The following KANK1 variants were observed in gnomAD, a reference collection of about 807,000 sequenced individuals.
KANK1 encodes the protein KN motif and ankyrin repeat domains 1.
In KANK1, 109 loss-of-function variants were observed where a neutral mutation model predicts 106.2. That is an observed-to-expected ratio of 1.03 (90% CI 0.88 to 1.20). The LOEUF is 1.20. Among genes scored for constraint, KANK1 ranks in the 50% most tolerant of loss-of-function variants. The probability of loss-of-function intolerance (pLI) is 0.00; values close to 1 mark genes in which losing one functional copy is unlikely to be tolerated. For synonymous variants in KANK1, 873 were observed against 652.2 expected (o/e 1.34, Z -5.16); for missense variants, 2,399 against 1,710.7 (o/e 1.40, Z -7.10).
intron 2 of KANK1, among the ~76,000 whole-genome samples, chr9:700,506 A>G (rs1004353277): frequency 6.6e-6 from 1 of 152,182 alleles, no homozygotes; most frequent in Non-Finnish European, 1.5e-5. Context: ...AATTAGCTTC[A>G]TGAGAACTTG....
At chr9:630,090 A>G (rs1402177920) in intron 1 of KANK1, among the ~76,000 whole-genome samples, 1 of 151,920 alleles carries the variant, frequency 6.6e-6, no homozygotes, top group Non-Finnish European at 1.5e-5. Context: ...TCCACTAGAA[A>G]ATACAAAAAT....
intron 1 of KANK1, among the ~76,000 whole-genome samples, chr9:570,593 G>A (rs1156706382): frequency 6.6e-6 from 1 of 152,188 alleles, no homozygotes; most frequent in Non-Finnish European, 1.5e-5. Context: ...GTGAGTGCAT[G>A]CTGCTTCATT....
intron 1 of KANK1, among the ~76,000 whole-genome samples, chr9:581,271 G>A (rs985576895): frequency 1.3e-5 from 2 of 152,204 alleles, no homozygotes; most frequent in East Asian, 1.9e-4. Flanking sequence ...CAGAGGGGGC[G>A]CCGAGAGCAG....
At chr9:677,855 G>T (rs1306655494) in intron 2 of KANK1, among the ~76,000 whole-genome samples, 1 of 152,148 alleles carries the variant, frequency 6.6e-6, no homozygotes, top group Non-Finnish European at 1.5e-5. Context: ...CTGAATTTGA[G>T]TCCTAGTTCC....
chr9:594,389 T>C (rs1318642482), intron 1 of KANK1, among the ~76,000 whole-genome samples: 1 of 151,854 alleles, frequency 6.6e-6, no homozygotes, highest in Non-Finnish European at 1.5e-5. Context: ...TTCAAAACTT[T>C]CTTCATTTTC....
chr9:603,122 A>G (rs1828195451), intron 1 of KANK1, among the ~76,000 whole-genome samples: 1 of 151,844 alleles, frequency 6.6e-6, no homozygotes, highest in Non-Finnish European at 1.5e-5. Flanking sequence ...GTAGATTTAT[A>G]TCAGGATTTG....
At chr9:657,009 C>T (rs1842289357) in intron 1 of KANK1, among the ~76,000 whole-genome samples, 1 of 152,142 alleles carries the variant, frequency 6.6e-6, no homozygotes, top group African/African-American at 2.4e-5. Context: ...TTTCACATGA[C>T]TAAAATGCTG....
chr9:657,999 C>A (rs1472998578), intron 1 of KANK1, among the ~76,000 whole-genome samples: 1 of 151,954 alleles, frequency 6.6e-6, no homozygotes, highest in African/African-American at 2.4e-5. Context: ...CTCAGCCTCA[C>A]AAGTACTGGG....
chr9:642,863 G>A (rs568326724), intron 1 of KANK1, among the ~76,000 whole-genome samples: 5 of 149,924 alleles, frequency 3.3e-5, no homozygotes, highest in Non-Finnish European at 5.9e-5. Flanking sequence ...CCTCTCCTTG[G>A]CTGTCTTTTC....
chr9:648,198 G>A (rs911371877), intron 1 of KANK1, among the ~76,000 whole-genome samples: 1 of 150,922 alleles, frequency 6.6e-6, no homozygotes, highest in Non-Finnish European at 1.5e-5. Context: ...GAGACGGGGT[G>A]TCATCATGTT....
Position 705,667 on chromosome 9 carries a change from T to C in KANK1, c.38-5137T>C, listed in dbSNP as rs552621827. ...GGCTGGAGTGCAATGTGTGTGATCT[T>C]GGCTCACTGCAACCTTCACCTCCCA... is the stretch of plus-strand genomic sequence containing the variant. On this transcript the variant is annotated intron_variant, in intron 2 of 11. Coordinates refer to ENST00000382297, the MANE Select transcript of KANK1 (RefSeq NM_015158.5). Among the ~76,000 whole-genome samples the C allele has an allele frequency of 3.0e-3, 450 of 151,454 alleles. 4 individuals carry two copies. Among genetic ancestry groups the C allele is most frequent in the Non-Finnish European group, 4.7e-3 (317 of 67,830 alleles).
At chr9:560,352 T>G (rs1341224152) in intron 1 of KANK1, among the ~76,000 whole-genome samples, 1 of 152,342 alleles carries the variant, frequency 6.6e-6, no homozygotes, top group East Asian at 1.9e-4. Flanking sequence ...TGCAGGTTGA[T>G]TAACTGTTGA....
intron 2 of KANK1, chr9:707,350 C>A: frequency 2.0e-6 from 1 of 504,396 alleles, no homozygotes; most frequent in Non-Finnish European, 2.6e-6. Context: ...TGGGCCGCTT[C>A]ACTCCACCGC....
intron 1 of KANK1, among the ~76,000 whole-genome samples, chr9:512,263 A>G (rs1430323339): frequency 6.8e-6 from 1 of 146,434 alleles, no homozygotes; most frequent in African/African-American, 2.7e-5. Context: ...GTATATACAC[A>G]CACACAAGAT....
intron 3 of KANK1, among the ~76,000 whole-genome samples, chr9:493,617 G>A (rs1037756120): frequency 4.3e-5 from 6 of 140,382 alleles, no homozygotes; most frequent in African/African-American, 1.7e-4. Context: ...GGGTGATCTC[G>A]GCTCACTGCA....
At chr9:632,805 T>C (rs1836068931) in intron 1 of KANK1, among the ~76,000 whole-genome samples, 1 of 152,162 alleles carries the variant, frequency 6.6e-6, no homozygotes, top group South Asian at 2.1e-4. Context: ...TTCTCCTGCC[T>C]CTGCCATTCG....
In KANK1 at chr9:586,952, C is replaced by G. The variant is rs151227334; in HGVS notation, c.-84+82198C>G. 3.0e-3 allele frequency among the ~76,000 whole-genome samples: 452 copies of G among 152,288 alleles called. 2 individuals are homozygous for G. The highest frequency in any genetic ancestry group is 0.01 in the African/African-American group (423 of 41,572). On this transcript the variant is annotated intron_variant, in intron 1 of 11. Coordinates refer to ENST00000382297, the MANE Select transcript of KANK1 (RefSeq NM_015158.5). Reference sequence around the variant, plus strand: ...ATTGATTCCCCTCTCCTGCAGATCTCAAGCCTAAAAATGAGTATTGTTCCA... The same window carrying G: ...ATTGATTCCCCTCTCCTGCAGATCTGAAGCCTAAAAATGAGTATTGTTCCA...
chr9:521,844 A>C (rs1250243730), intron 1 of KANK1, among the ~76,000 whole-genome samples: 2 of 151,662 alleles, frequency 1.3e-5, no homozygotes, highest in Non-Finnish European at 2.9e-5. Flanking sequence ...CTGGGATTAC[A>C]GGCATGAGCC....
chr9:570,316 G>A (rs1171234135), intron 1 of KANK1, among the ~76,000 whole-genome samples: 1 of 152,194 alleles, frequency 6.6e-6, no homozygotes, highest in Non-Finnish European at 1.5e-5. Flanking sequence ...CGAATAGAAA[G>A]CCTTGACTTG....
Sources: gnomAD v4.1 joint callset for allele counts (sites outside exome capture counted in the v4.1 genomes callset) on GRCh38, gnomAD v4.1.1 for gene constraint, MANE v1.5 for transcripts, NCBI Gene and HGNC (gene_info 2026-07-23, HGNC 2026-07-21) for gene names.